CDC42SE2: variants seen among roughly 807,000 people sequenced by gnomAD.
CDC42SE2 encodes CDC42 small effector 2.
In CDC42SE2, 3 loss-of-function variants were observed where a neutral mutation model predicts 11.5. That is an observed-to-expected ratio of 0.26 (90% CI 0.12 to 0.67). CDC42SE2 has a LOEUF of 0.67. CDC42SE2 is among the 30% of genes least tolerant of loss of function. The pLI is 0.80. For missense variants in CDC42SE2, 82 were observed against 106.8 expected, an observed-to-expected ratio of 0.77 and a Z score of 1.02; for synonymous variants, 33 against 34.8, an observed-to-expected ratio of 0.95 and a Z score of 0.18.
chr5:131,276,757 T>G (rs1757110668), intron 1 of CDC42SE2, among the ~76,000 whole-genome samples: 1 of 151,710 alleles, frequency 6.6e-6, no homozygotes, highest in African/African-American at 2.4e-5. Flanking sequence ...AGATGGAGAC[T>G]TGCTCTGTCA....
At chr5:131,390,912 T>C in intron 4 of CDC42SE2, 81 bp from the exon 5 acceptor site, 2 of 527,500 alleles carry the variant, frequency 3.8e-6, no homozygotes, top group Admixed American at 9.3e-5. Flanking sequence ...CAAATAAAAT[T>C]CTGGGAAAAG....
At chr5:131,343,365 A>C (rs913794542) in intron 2 of CDC42SE2, among the ~76,000 whole-genome samples, 5 of 152,306 alleles carry the variant, frequency 3.3e-5, no homozygotes, top group South Asian at 2.1e-4. Context: ...GTGTCACAGC[A>C]TCATTATTTC....
Position 131,273,585 on chromosome 5 carries a change from A to G in CDC42SE2, c.-455+9419A>G, listed in dbSNP as rs981520015. Among the ~76,000 whole-genome samples, 7 of 146,494 alleles carry G rather than the reference A, an allele frequency of 4.8e-5. No homozygotes were observed. The South Asian group carries it at 7.4e-4, about 15-fold the overall frequency. ...GGAGATCGAGACCATCCTGGCTAACATGGTGAAACCCCGTCTCTACTAAAA... is the reference window on the plus strand; with the variant it reads ...GGAGATCGAGACCATCCTGGCTAACGTGGTGAAACCCCGTCTCTACTAAAA... On this transcript the variant is annotated intron_variant, in intron 1 of 4. Coordinates refer to ENST00000505065, the MANE Select transcript of CDC42SE2 (RefSeq NM_001375635.1).
At chr5:131,315,346 T>C (rs1203384565) in intron 1 of CDC42SE2, among the ~76,000 whole-genome samples, 3 of 152,196 alleles carry the variant, frequency 2.0e-5, no homozygotes, top group South Asian at 4.1e-4. Context: ...TGCTATATTA[T>C]ATCCTCAAGG....
At chr5:131,362,288 C>T (rs1749732490) in intron 3 of CDC42SE2, among the ~76,000 whole-genome samples, 1 of 152,178 alleles carries the variant, frequency 6.6e-6, no homozygotes, top group Non-Finnish European at 1.5e-5. Flanking sequence ...ATTCCATGGA[C>T]ATCTGATTTC....
chr5:131,273,768 A>C (rs1311701452), intron 1 of CDC42SE2, among the ~76,000 whole-genome samples: 1 of 127,680 alleles, frequency 7.8e-6, no homozygotes, highest in African/African-American at 3.5e-5. Flanking sequence ...ACTCCGTCTC[A>C]AAAAAAAAAA....
intron 4 of CDC42SE2, among the ~76,000 whole-genome samples, chr5:131,390,642 T>C (rs1257567657): frequency 6.6e-6 from 1 of 151,978 alleles, no homozygotes; most frequent in Non-Finnish European, 1.5e-5. Context: ...GCCAGTGCAC[T>C]CCAGCCTGGG....
the CDC42SE2 span, among the ~76,000 whole-genome samples, chr5:131,215,439 C>A: frequency 6.6e-6 from 1 of 152,172 alleles, no homozygotes; most frequent in African/African-American, 2.4e-5. Flanking sequence ...GCTGACAGAA[C>A]CATCTGGAAT....
chr5:131,320,861 C>T (rs749357585), intron 2 of CDC42SE2, among the ~76,000 whole-genome samples: 44 of 152,124 alleles, frequency 2.9e-4, no homozygotes, highest in Admixed American at 3.9e-4. Context: ...GATGAAAGCA[C>T]GTATCGGATC....
rs574232306 is a variant in CDC42SE2 at position 131,374,819 on chromosome 5, A to C, written c.55-10724A>C. On this transcript the variant is annotated intron_variant, in intron 3 of 4. Coordinates refer to ENST00000505065, the MANE Select transcript of CDC42SE2 (RefSeq NM_001375635.1). ...TGATGTGAAGGAAACAACAGTGGAC[A>C]AGGAAGACTCCCAGATCTGATTTTA... 4.3e-4 allele frequency among the ~76,000 whole-genome samples: 65 copies of C among 152,280 alleles called. No homozygotes were observed. The South Asian group carries it at 0.013, about 31-fold the overall frequency.
At chr5:131,278,350 C>T (rs897425964) in intron 1 of CDC42SE2, among the ~76,000 whole-genome samples, 2 of 152,028 alleles carry the variant, frequency 1.3e-5, no homozygotes, top group African/African-American at 4.8e-5. Context: ...TTTCTCCTAA[C>T]CTAGAAAAGA....
intron 3 of CDC42SE2, among the ~76,000 whole-genome samples, chr5:131,367,468 G>A (rs1749894481): frequency 6.6e-6 from 1 of 152,148 alleles, no homozygotes; most frequent in African/African-American, 2.4e-5. Context: ...CATTAATGTG[G>A]TATAGTTTCA....
At chr5:131,301,073 ATATT>A (rs1757669143) in intron 1 of CDC42SE2, among the ~76,000 whole-genome samples, 2 of 152,172 alleles carry the variant, frequency 1.3e-5, no homozygotes, top group African/African-American at 2.4e-5. Flanking sequence ...ATTGGAAACT[ATATT>A]TATTTGACCA....
intron 2 of CDC42SE2, among the ~76,000 whole-genome samples, chr5:131,345,505 G>T (rs1488464458): frequency 6.6e-6 from 1 of 152,196 alleles, no homozygotes; most frequent in Non-Finnish European, 1.5e-5. Flanking sequence ...TATGTGAAAA[G>T]ACCAAATCTA....
chr5:131,254,689 A>C (rs371220108), intron 1 of CDC42SE2, among the ~76,000 whole-genome samples: 1 of 8,572 alleles, frequency 1.2e-4, no homozygotes, highest in Non-Finnish European at 1.6e-4. Flanking sequence ...GTTAACTTAG[A>C]AAGAAAAAAG....
chr5:131,372,369 C>G (rs1750033832), intron 3 of CDC42SE2, among the ~76,000 whole-genome samples: 1 of 152,010 alleles, frequency 6.6e-6, no homozygotes, highest in Non-Finnish European at 1.5e-5. Flanking sequence ...TTCTTAAAAA[C>G]CAAACAAGTT....
At chr5:131,293,030 A>C (rs1337377957) in intron 1 of CDC42SE2, among the ~76,000 whole-genome samples, 2 of 152,046 alleles carry the variant, frequency 1.3e-5, no homozygotes, top group Non-Finnish European at 1.5e-5. Context: ...CTACTTGCAC[A>C]TTTGTCAGAT....
chr5:131,338,274 C>T (rs550387871), intron 2 of CDC42SE2, among the ~76,000 whole-genome samples: 8 of 152,314 alleles, frequency 5.3e-5, no homozygotes, highest in Middle Eastern at 6.8e-3. Flanking sequence ...CCAAACCCTT[C>T]GTAGCATGTC....
intron 2 of CDC42SE2, among the ~76,000 whole-genome samples, chr5:131,325,019 C>T (rs1474542393): frequency 5.3e-5 from 8 of 152,090 alleles, no homozygotes; most frequent in Non-Finnish European, 1.2e-4. Flanking sequence ...AATATATTCT[C>T]TGAATACTGT....
Sources: allele counts gnomAD v4.1 joint callset (sites outside exome capture counted in the v4.1 genomes callset), GRCh38; gene constraint gnomAD v4.1.1; transcripts MANE v1.5; gene names NCBI Gene and HGNC (gene_info 2026-07-23, HGNC 2026-07-21).